GRM7: variants seen among roughly 807,000 people sequenced by gnomAD.
The protein encoded by GRM7 is glutamate metabotropic receptor 7.
In GRM7, 35 loss-of-function variants were observed where a neutral mutation model predicts 84.5. The observed-to-expected ratio is 0.41, with a 90% CI of 0.32 to 0.55. GRM7 has a LOEUF of 0.55. GRM7 is among the 20% of genes least tolerant of loss of function. The pLI, the probability that GRM7 is intolerant of heterozygous loss-of-function variation, is 0.19. For missense variants in GRM7, 1,003 were observed against 1,194.6 expected (o/e 0.84, Z 2.36); for synonymous variants, 487 against 455.1 (o/e 1.07, Z -0.89).
At chr3:6,887,589 C>T (rs1695750168) in intron 1 of GRM7, among the ~76,000 whole-genome samples, 1 of 152,168 alleles carries the variant, frequency 6.6e-6, no homozygotes, top group Non-Finnish European at 1.5e-5. Flanking sequence ...CATAGTATTC[C>T]ATGGTGTATA....
intron 2 of GRM7, among the ~76,000 whole-genome samples, chr3:7,250,683 C>G (rs1697950797): frequency 6.6e-6 from 1 of 152,050 alleles, no homozygotes; most frequent in Non-Finnish European, 1.5e-5. Flanking sequence ...ACCACCACAT[C>G]TAGCTAATTT....
chr3:6,964,799 C>G (rs957581663), intron 1 of GRM7, among the ~76,000 whole-genome samples: 5 of 152,170 alleles, frequency 3.3e-5, no homozygotes, highest in Non-Finnish European at 7.3e-5. Flanking sequence ...TTCTTTTGTA[C>G]CAGCTGCCCC....
chr3:7,249,112 A>AAT (rs943379669), intron 2 of GRM7, among the ~76,000 whole-genome samples: 1 of 152,108 alleles, frequency 6.6e-6, no homozygotes, highest in African/African-American at 2.4e-5. Context: ...TTATATGTTA[A>AAT]ATATATATGT....
intron 1 of GRM7, among the ~76,000 whole-genome samples, chr3:6,968,625 G>C (rs1484717074): frequency 6.6e-6 from 1 of 152,008 alleles, no homozygotes; most frequent in Admixed American, 6.6e-5. Context: ...TTAATATTTT[G>C]TTCTCATTAT....
chr3:7,040,684 G>A lies in GRM7; in HGVS notation c.520-105768G>A, dbSNP rs117705378. 7.2e-3 allele frequency among the ~76,000 whole-genome samples: 1,103 copies of A among 152,148 alleles called. 38 individuals carry two copies. The highest frequency in any genetic ancestry group is 0.05 in the East Asian group (259 of 5,156). The stretch of plus-strand genomic sequence containing the variant: ...TGAATCTGGTCCTTTGCTACTTATA[G>A]GTGTGTCTTGGGACCAGCAGGATGG... On this transcript the variant is annotated intron_variant, in intron 1 of 9. Transcript: ENST00000357716.
chr3:7,106,359 G>T (rs1022906008), intron 1 of GRM7, among the ~76,000 whole-genome samples: 2 of 150,580 alleles, frequency 1.3e-5, no homozygotes, highest in Non-Finnish European at 3.0e-5. Flanking sequence ...TTATTTTCTG[G>T]GATCATTCTG....
In GRM7 at chr3:6,994,650, C is replaced by CT. The variant is rs1248397531; in HGVS notation, c.519+132751dup. 5.9e-5 allele frequency among the ~76,000 whole-genome samples: 9 copies of CT among 152,112 alleles called. No individual in the cohort carries two copies. In the East Asian group the frequency reaches 9.7e-4, roughly 16 times the overall value. On this transcript the variant is annotated intron_variant, in intron 1 of 9. Coordinates refer to ENST00000357716, the MANE Select transcript of GRM7 (RefSeq NM_000844.4). ...ATGGTGATTCCTTAAACTATTACAG[C>CT]TTTTTTTTCTTAGAGACAATTTATT...
intron 9 of GRM7, among the ~76,000 whole-genome samples, chr3:7,731,358 T>G (rs1702325890): frequency 6.6e-6 from 1 of 152,200 alleles, no homozygotes; most frequent in African/African-American, 2.4e-5. Context: ...TTTCTTTTGT[T>G]CTATTCATCT....
chr3:7,504,747 G>A (rs1699989521), intron 7 of GRM7, among the ~76,000 whole-genome samples: 1 of 152,174 alleles, frequency 6.6e-6, no homozygotes, highest in South Asian at 2.1e-4. Context: ...ATTCATTCAT[G>A]GGAATAGAGG....
chr3:7,372,711 G>T (rs1397028829), intron 4 of GRM7, among the ~76,000 whole-genome samples: 4 of 152,026 alleles, frequency 2.6e-5, no homozygotes, highest in African/African-American at 9.7e-5. Context: ...CTTTGTCAAG[G>T]ACAATGAACA....
intron 1 of GRM7, among the ~76,000 whole-genome samples, chr3:6,904,874 C>A (rs966597033): frequency 1.3e-5 from 2 of 151,936 alleles, no homozygotes; most frequent in African/African-American, 4.8e-5. Context: ...GCACATAGCA[C>A]CCTCCTTGGA....
intron 1 of GRM7, among the ~76,000 whole-genome samples, chr3:7,087,842 G>A (rs1046785293): frequency 6.6e-6 from 1 of 152,186 alleles, no homozygotes; most frequent in Non-Finnish European, 1.5e-5. Flanking sequence ...TTATATAGAT[G>A]TGTAATGACT....
rs147082091 is a variant in GRM7, at chr3:7,457,343, A to G, written c.1376-4240A>G. Among the ~76,000 whole-genome samples the G allele has an allele frequency of 3.0e-3, 458 of 152,298 alleles. 2 individuals carry two copies. Among genetic ancestry groups the G allele is most frequent in the Middle Eastern group, 0.017 (5 of 294 alleles). ...CATTGAGGAAAGAAATGGGTAATTT[A>G]GTTTTTATCATGCCTAGATATTTTT... On this transcript the variant is annotated intron_variant, in intron 6 of 9. Coordinates refer to ENST00000357716, the MANE Select transcript of GRM7 (RefSeq NM_000844.4).
intron 4 of GRM7, among the ~76,000 whole-genome samples, chr3:7,318,769 G>A (rs1032514758): frequency 1.3e-5 from 2 of 151,924 alleles, no homozygotes; most frequent in African/African-American, 2.4e-5. Flanking sequence ...TTTTTCCTTA[G>A]TCAATTGTAA....
At chr3:7,320,681 A>AGTGTATGTGTGTGTGT (rs367833809) in intron 4 of GRM7, among the ~76,000 whole-genome samples, 197 of 141,248 alleles carry the variant, frequency 1.4e-3, no homozygotes, top group African/African-American at 4.5e-3. Context: ...GTGGGTGATC[A>AGTGTATGTGTGTGTGT]GTGTGTGTGT....
intron 2 of GRM7, among the ~76,000 whole-genome samples, chr3:7,227,671 G>T (rs1416908840): frequency 3.3e-5 from 5 of 152,114 alleles, no homozygotes. Context: ...CAAATGGAAG[G>T]TTTCTTTTCA....
In GRM7 at chr3:7,636,178, A is replaced by G. The variant is rs181617625; in HGVS notation, c.2452-43871A>G. 4.6e-5 allele frequency: 21 copies of G among 456,502 alleles called. No homozygotes were observed. In the Admixed American group the frequency reaches 4.7e-4, roughly 10 times the overall value. 28.3% of individuals were successfully genotyped at this position (456,502 alleles called of 1,614,324 possible). On this transcript the variant is annotated intron_variant, in intron 8 of 9. Transcript: ENST00000357716. ...TTGCCTAAACTGTGTCCACTAGGCTAACTTCTACTCATTCTTCAAGATTTA... is the reference window on the plus strand; with the variant it reads ...TTGCCTAAACTGTGTCCACTAGGCTGACTTCTACTCATTCTTCAAGATTTA...
chr3:7,445,009 T>C (rs1180542527), intron 5 of GRM7, among the ~76,000 whole-genome samples: 3 of 152,210 alleles, frequency 2.0e-5, no homozygotes, highest in Non-Finnish European at 4.4e-5. Context: ...GTAAGTCATC[T>C]GGCCTTTCTG....
chr3:7,180,390 A>C lies in GRM7; in HGVS notation c.736+33722A>C, dbSNP rs144020151. On this transcript the variant is annotated intron_variant, in intron 2 of 9. Coordinates refer to ENST00000357716, the MANE Select transcript of GRM7 (RefSeq NM_000844.4). ...CTTCTTACATCTCTCACTTTTCATA[A>C]GAGCCTAACACACCCAAACAGCAAT... 7.0e-4 allele frequency among the ~76,000 whole-genome samples: 107 copies of C among 152,310 alleles called. 1 individual carries two copies. The highest frequency in any genetic ancestry group is 1.9e-3 in the African/African-American group (79 of 41,562).
Sources: allele counts gnomAD v4.1 joint callset (sites outside exome capture counted in the v4.1 genomes callset), GRCh38; gene constraint gnomAD v4.1.1; transcripts MANE v1.5; gene names NCBI Gene and HGNC (gene_info 2026-07-23, HGNC 2026-07-21).